The following ECRG4 variants were observed in gnomAD, a reference collection of about 807,000 sequenced individuals.
The protein encoded by ECRG4 is augurin.
Under a neutral mutation model 15.8 loss-of-function variants are expected in ECRG4, and 18 were observed. The observed-to-expected ratio is 1.14, with a 90% confidence interval of 0.79 to 1.69. ECRG4 has a LOEUF of 1.69. ECRG4 is among the 40% of genes most tolerant of loss of function. The probability of loss-of-function intolerance (pLI) is 0.00; values close to 1 mark genes in which losing one functional copy is unlikely to be tolerated. For synonymous variants in ECRG4, 82 were observed against 73.9 expected (o/e 1.11, Z -0.56); for missense variants, 200 against 190.9 (o/e 1.05, Z -0.28).
Position 106,077,943 on chromosome 2 carries a change from GCT to G in ECRG4, c.*18_*19del, listed in dbSNP as rs749937699. 5 of 1,611,110 alleles carry G rather than the reference GCT, an allele frequency of 3.1e-6. No homozygotes were observed. In the East Asian group the frequency reaches 8.9e-5, roughly 29 times the overall value. On this transcript the variant is annotated 3_prime_UTR_variant, in exon 4 of 4. Transcript: ENST00000238044. The stretch of plus-strand genomic sequence containing the variant: ...GACTACTAACCATGACTTGCCACAC[GCT>G]GTACAAGAAGCAAATAGCGATTCTC...
At chr2:106,068,193 C>CAA (rs1676266517) in intron 1 of ECRG4, among the ~76,000 whole-genome samples, 1 of 152,020 alleles carries the variant, frequency 6.6e-6, no homozygotes, top group African/African-American at 2.4e-5. Flanking sequence ...CCTTCTTGAT[C>CAA]AATTTATTAA....
chr2:106,067,428 A>G (rs1364106511), intron 1 of ECRG4, among the ~76,000 whole-genome samples: 1 of 152,182 alleles, frequency 6.6e-6, no homozygotes, highest in Non-Finnish European at 1.5e-5. Flanking sequence ...CAGTTAAAAT[A>G]TCATCACCGA....
chr2:106,069,812 T>C (rs1676322656), intron 1 of ECRG4, among the ~76,000 whole-genome samples: 1 of 152,228 alleles, frequency 6.6e-6, no homozygotes, highest in African/African-American at 2.4e-5. Context: ...GGGAGGTCTG[T>C]TCAGAGCTGT....
intron 3 of ECRG4, 132 bp downstream of exon 3, chr2:106,074,175 G>T (rs1246954768): frequency 7.9e-6 from 8 of 1,009,654 alleles, no homozygotes; most frequent in Non-Finnish European, 1.2e-5. Flanking sequence ...CCCATCATAT[G>T]CCAAGTGCTA....
upstream of ECRG4, chr2:106,064,369 G>T (rs1676158434): frequency 2.0e-5 from 3 of 152,198 alleles, no homozygotes; most frequent in African/African-American, 7.2e-5. Context: ...GACAGTAAGT[G>T]CTTACCACTG....
chr2:106,076,632 A>G (rs796857455), intron 3 of ECRG4, among the ~76,000 whole-genome samples: 16 of 152,290 alleles, frequency 1.1e-4, no homozygotes, highest in African/African-American at 3.6e-4. Flanking sequence ...AGCCTCACAA[A>G]GTTCTCAATA....
rs1291385563 is a variant in ECRG4, at chr2:106,071,309, A to ATGGGTAAG, written c.80-534_80-527dup. 9.5e-4 allele frequency among the ~76,000 whole-genome samples: 114 copies of ATGGGTAAG among 120,320 alleles called. No homozygotes were observed. In the Middle Eastern group the frequency reaches 0.015, roughly 16 times the overall value. The allele number at this position is 120,320 out of a possible 152,430, so 78.9% of individuals were successfully genotyped here. A position where few individuals can be genotyped will look rare whatever the true frequency, so the allele number is the denominator to read the frequency against. On this transcript the variant is annotated intron_variant, in intron 1 of 3. Coordinates refer to ENST00000238044, the MANE Select transcript of ECRG4 (RefSeq NM_032411.3). The stretch of plus-strand genomic sequence containing the variant: ...ATAACATCTTGAGACCCTCTCAGTG[A>ATGGGTAAG]TGGGTAAGGCTGTAAAAAAAAAAAA...
intron 1 of ECRG4, among the ~76,000 whole-genome samples, chr2:106,071,357 G>GAAAGA (rs1202411660): frequency 5.1e-5 from 5 of 98,714 alleles, no homozygotes; most frequent in African/African-American, 2.0e-4. Flanking sequence ...AAAAAAGAAA[G>GAAAGA]AAAGAAAAGA....
intron 1 of ECRG4, among the ~76,000 whole-genome samples, chr2:106,069,156 CTTTCTTTCTTTCTTT>C (rs1676294301): frequency 2.3e-5 from 3 of 132,332 alleles, no homozygotes; most frequent in Admixed American, 7.9e-5. Context: ...TCTTTTCTTT[CTTTCTTTCTTTCTTT>C]TTTCTTTCTT....
upstream of ECRG4, among the ~76,000 whole-genome samples, chr2:106,063,937 G>T (rs989479183): frequency 6.6e-6 from 1 of 152,136 alleles, no homozygotes. Context: ...AGCAATTTGG[G>T]GTAAGGGGGA....
intron 3 of ECRG4, among the ~76,000 whole-genome samples, chr2:106,077,480 C>T (rs1420441801): frequency 1.3e-5 from 2 of 152,102 alleles, no homozygotes; most frequent in Non-Finnish European, 2.9e-5. Flanking sequence ...TTTGATTTAC[C>T]AAGAGAGAGA....
intron 1 of ECRG4, 104 bp downstream of exon 1, chr2:106,065,947 G>A (rs1676203180): frequency 2.9e-6 from 3 of 1,050,122 alleles, no homozygotes; most frequent in Non-Finnish European, 2.6e-6. Context: ...GGGTGGCGGC[G>A]TAGGGACCCA....
chr2:106,069,234 T>C (rs192948964), intron 1 of ECRG4, among the ~76,000 whole-genome samples: 1 of 144,672 alleles, frequency 6.9e-6, no homozygotes, highest in East Asian at 2.0e-4. Context: ...CTTTCCTTCT[T>C]TCTTTTCTTT....
intron 2 of ECRG4, among the ~76,000 whole-genome samples, chr2:106,072,687 G>T (rs997990080): frequency 6.6e-6 from 1 of 152,214 alleles, no homozygotes; most frequent in East Asian, 1.9e-4. Context: ...CCCACAGGTG[G>T]CTGGAGAACA....
At position 106,078,028 on chromosome 2, in the gene ECRG4, G is replaced by C; in HGVS notation, c.*102G>C. Reference sequence around the variant, plus strand: ...GTTTCTGATTTGCTCTATTTCAGCAGATCTTTTCTACCTACTTTGTGTGAT... The same window carrying C: ...GTTTCTGATTTGCTCTATTTCAGCACATCTTTTCTACCTACTTTGTGTGAT... On this transcript the variant is annotated 3_prime_UTR_variant, in exon 4 of 4. Transcript: ENST00000238044. The C allele has an allele frequency of 9.0e-7, 1 of 1,113,998 alleles. No homozygotes were observed. The highest frequency in any genetic ancestry group is 2.7e-5 in the East Asian group (1 of 37,060). The allele number at this position is 1,113,998 out of a possible 1,614,324, so 69.0% of individuals were successfully genotyped here.
At chr2:106,075,894 ATCT>A (rs1236923991) in intron 3 of ECRG4, among the ~76,000 whole-genome samples, 3 of 152,236 alleles carry the variant, frequency 2.0e-5, no homozygotes, top group African/African-American at 4.8e-5. Context: ...AAGGAATATG[ATCT>A]TCTTTTTCTA....
chr2:106,072,305 G>T, intron 2 of ECRG4: 1 of 164,490 alleles, frequency 6.1e-6, no homozygotes, highest in Non-Finnish European at 1.3e-5. Context: ...TTTCAAACAG[G>T]AAAGCCTTTC....
chr2:106,071,863 A>T lies in ECRG4; in HGVS notation c.99A>T (p.Lys33Asn). 1 of 1,613,792 alleles carries T rather than the reference A, an allele frequency of 6.2e-7. No homozygotes were observed. The highest frequency in any genetic ancestry group is 8.5e-7 in the Non-Finnish European group (1 of 1,179,740). The change falls in exon 2 of 4, where the codon AAA (lysine) becomes AAT (asparagine). Residue 33 changes from lysine to asparagine, a missense_variant. Lys to Asn is a moderately conservative substitution (Grantham distance 94). Coordinates refer to ENST00000238044, the MANE Select transcript of ECRG4 (RefSeq NM_032411.3). ...CWGPGGISGN[K>N]LKLMLQKREA... ...CTTTAGGTGGCATAAGTGGAAATAA[A>T]CTCAAGCTGATGCTTCAAAAACGAG...
At chr2:106,072,775 C>T (rs949539428) in intron 2 of ECRG4, among the ~76,000 whole-genome samples, 4 of 152,192 alleles carry the variant, frequency 2.6e-5, no homozygotes, top group Admixed American at 6.5e-5. Flanking sequence ...ATCTCTGAGG[C>T]GGCTCAGAGG....
Sources: gnomAD v4.1 joint callset for allele counts (sites outside exome capture counted in the v4.1 genomes callset) on GRCh38, gnomAD v4.1.1 for gene constraint, MANE v1.5 for transcripts, NCBI Gene and HGNC (gene_info 2026-07-23, HGNC 2026-07-21) for gene names.